CELF4: variants seen among roughly 807,000 people sequenced by gnomAD.
CELF4 encodes the protein CUG-BP- and ETR-3-like factor 4.
In CELF4, 18 loss-of-function variants were observed where a neutral mutation model predicts 59.9. That is an observed-to-expected ratio of 0.30 (90% CI 0.21 to 0.45). The LOEUF (loss-of-function observed/expected upper bound fraction) is 0.45. Among genes scored for constraint, CELF4 ranks in the 20% least tolerant of loss-of-function variants. CELF4 has a pLI of 1.00. For missense variants in CELF4, 456 were observed against 689.0 expected, an observed-to-expected ratio of 0.66 and a Z score of 3.79; for synonymous variants, 261 against 267.1, an observed-to-expected ratio of 0.98 and a Z score of 0.22.
At chr18:37,557,160 G>A (rs560288790) in intron 1 of CELF4, among the ~76,000 whole-genome samples, 6 of 152,322 alleles carry the variant, frequency 3.9e-5, no homozygotes, top group South Asian at 2.1e-4. Flanking sequence ...TGTGGGCAGC[G>A]GATGTGAAAT....
intron 2 of CELF4, among the ~76,000 whole-genome samples, chr18:37,327,675 AG>A (rs1036891989): frequency 6.6e-6 from 1 of 152,168 alleles, no homozygotes; most frequent in South Asian, 2.1e-4. Flanking sequence ...CGGGGAGGCA[AG>A]GGGGGGTCCA....
At chr18:37,348,837 G>A (rs1056740672) in intron 2 of CELF4, among the ~76,000 whole-genome samples, 7 of 152,060 alleles carry the variant, frequency 4.6e-5, no homozygotes, top group Non-Finnish European at 1.0e-4. Context: ...TCTGCTTCTA[G>A]GAGAGGGGAG....
At chr18:37,257,214 G>A (rs2070364893) in intron 11 of CELF4, among the ~76,000 whole-genome samples, 1 of 152,196 alleles carries the variant, frequency 6.6e-6, no homozygotes, top group African/African-American at 2.4e-5. Flanking sequence ...GTGCAAATAT[G>A]CCAAGCCCAG....
At chr18:37,391,833 C>T (rs1487604841) in intron 2 of CELF4, among the ~76,000 whole-genome samples, 2 of 152,204 alleles carry the variant, frequency 1.3e-5, no homozygotes, top group South Asian at 2.1e-4. Flanking sequence ...GATAAGGCTC[C>T]GAGCAGCTCA....
Position 37,315,836 on chromosome 18 carries a change from C to T in CELF4, c.448+5967G>A, listed in dbSNP as rs79653462. On this transcript the variant is annotated intron_variant, in intron 3 of 12. Coordinates refer to ENST00000420428, the MANE Select transcript of CELF4 (RefSeq NM_020180.4). ...CCCCTGTCTGGCTGCTGATCCTCTT[C>T]GGCCCACTAAGCGGGGTGGGCACAC... is the stretch of plus-strand genomic sequence containing the variant. 3.8e-3 allele frequency among the ~76,000 whole-genome samples: 584 copies of T among 152,324 alleles called. 5 individuals carry two copies. The highest frequency in any genetic ancestry group is 0.013 in the African/African-American group (553 of 41,570).
intron 2 of CELF4, among the ~76,000 whole-genome samples, chr18:37,436,238 T>C (rs2099691832): frequency 6.6e-6 from 1 of 152,094 alleles, no homozygotes; most frequent in Non-Finnish European, 1.5e-5. Flanking sequence ...TGTATACCGA[T>C]ACGTTTGTTT....
chr18:37,275,294 G>C (rs769993743), intron 3 of CELF4, 51 bp from the exon 4 acceptor site: 1 of 1,607,820 alleles, frequency 6.2e-7, no homozygotes, highest in Non-Finnish European at 8.5e-7. Flanking sequence ...GGGCTGCGCG[G>C]GAGCAGGGCA....
chr18:37,248,913 A>G (rs1397408927), intron 12 of CELF4, among the ~76,000 whole-genome samples: 1 of 149,624 alleles, frequency 6.7e-6, no homozygotes, highest in African/African-American at 2.5e-5. Context: ...AGGCTTCTAC[A>G]TACAGCAGAC....
chr18:37,315,795 G>A (rs765981902), intron 3 of CELF4, among the ~76,000 whole-genome samples: 13 of 152,254 alleles, frequency 8.5e-5, no homozygotes, highest in Admixed American at 2.0e-4. Context: ...TCAGCCACTC[G>A]TCCCCTCCTT....
intron 2 of CELF4, among the ~76,000 whole-genome samples, chr18:37,405,815 G>C (rs959942538): frequency 3.9e-5 from 6 of 152,098 alleles, no homozygotes; most frequent in Admixed American, 3.9e-4. Context: ...CATTGTCTCT[G>C]TCTGTCCCCT....
chr18:37,259,279 GGGGGT>G lies in CELF4; in HGVS notation c.1250-20_1250-16del. On this transcript the variant is annotated splice_polypyrimidine_tract_variant and intron_variant, in intron 10 of 12. Transcript: ENST00000420428. ...GCCCTCGGGCCCTGCGGTGAGGGGAGGGGGTGGGCGGGGGAGGAGGGATGGCAGGG... is the reference window on the plus strand; with the variant it reads ...GCCCTCGGGCCCTGCGGTGAGGGGAGGGGCGGGGGAGGAGGGATGGCAGGG... 1 of 950,136 alleles carries G rather than the reference GGGGGT, an allele frequency of 1.1e-6. No homozygotes were observed. The highest frequency in any genetic ancestry group is 1.7e-6 in the Non-Finnish European group (1 of 594,916). 58.9% of individuals were successfully genotyped at this position (950,136 alleles called of 1,614,324 possible).
At chr18:37,428,058 A>G (rs1485248630) in intron 2 of CELF4, among the ~76,000 whole-genome samples, 2 of 152,250 alleles carry the variant, frequency 1.3e-5, no homozygotes, top group African/African-American at 2.4e-5. Flanking sequence ...ATGTCTGTCC[A>G]TGTTCTGGGA....
chr18:37,547,141 T>C (rs2099981647), intron 1 of CELF4, among the ~76,000 whole-genome samples: 1 of 113,302 alleles, frequency 8.8e-6, no homozygotes, highest in Admixed American at 1.0e-4. Flanking sequence ...CTTTGCTTAG[T>C]GTATGTGTGT....
intron 2 of CELF4, among the ~76,000 whole-genome samples, chr18:37,332,860 T>G (rs530461988): frequency 1.9e-4 from 29 of 152,364 alleles, no homozygotes; most frequent in African/African-American, 6.5e-4. Flanking sequence ...AGGCCCTCAC[T>G]GCCAAGGGCA....
chr18:37,344,948 T>C (rs774960930), intron 2 of CELF4, among the ~76,000 whole-genome samples: 3 of 152,196 alleles, frequency 2.0e-5, no homozygotes, highest in East Asian at 1.9e-4. Context: ...ATCCCATCAA[T>C]GCCTGTAGCC....
chr18:37,278,732 G>A (rs527588184), intron 3 of CELF4, among the ~76,000 whole-genome samples: 2 of 152,204 alleles, frequency 1.3e-5, no homozygotes, highest in Non-Finnish European at 2.9e-5. Context: ...CACCCCTGCT[G>A]TGAGAGGGCA....
At chr18:37,372,713 A>G (rs2098915809) in intron 2 of CELF4, among the ~76,000 whole-genome samples, 1 of 152,218 alleles carries the variant, frequency 6.6e-6, no homozygotes, top group South Asian at 2.1e-4. Flanking sequence ...AACACAGCAT[A>G]GATTTAAATG....
chr18:37,502,598 C>T (rs1183045409), intron 1 of CELF4, among the ~76,000 whole-genome samples: 2 of 152,188 alleles, frequency 1.3e-5, no homozygotes, highest in African/African-American at 2.4e-5. Flanking sequence ...GAGTGTGGCC[C>T]GGGCCCCACT....
At chr18:37,465,030 C>T (rs2099804152) in intron 2 of CELF4, among the ~76,000 whole-genome samples, 1 of 152,170 alleles carries the variant, frequency 6.6e-6, no homozygotes, top group Non-Finnish European at 1.5e-5. Context: ...TTAACCTCCA[C>T]AGGCCTTACT....
Sources: allele counts gnomAD v4.1 joint callset (sites outside exome capture counted in the v4.1 genomes callset), GRCh38; gene constraint gnomAD v4.1.1; transcripts MANE v1.5; gene names NCBI Gene and HGNC (gene_info 2026-07-23, HGNC 2026-07-21).